Variants in MGAT5 observed in about 807,000 individuals in gnomAD.
MGAT5 encodes alpha-1,6-mannosylglycoprotein 6-beta-N-acetylglucosaminyltransferase A.
MGAT5 carries 30 observed loss-of-function variants against 94.3 expected under a neutral mutation model. The observed-to-expected ratio is 0.32, with a 90% CI of 0.24 to 0.43. MGAT5 has a LOEUF of 0.43. MGAT5 is among the 20% of genes least tolerant of loss of function. MGAT5 has a pLI of 1.00. For synonymous variants in MGAT5, 310 were observed against 322.9 expected (o/e 0.96, Z 0.43); for missense variants, 691 against 905.5 (o/e 0.76, Z 3.04).
intron 1 of MGAT5, among the ~76,000 whole-genome samples, chr2:134,197,196 A>C (rs547822500): frequency 6.6e-6 from 1 of 152,286 alleles, no homozygotes; most frequent in Non-Finnish European, 1.5e-5. Context: ...GCCCCAATAT[A>C]CTTCAGTCAA....
chr2:134,331,384 A>G (rs1687961089), intron 4 of MGAT5, among the ~76,000 whole-genome samples: 1 of 152,104 alleles, frequency 6.6e-6, no homozygotes, highest in South Asian at 2.1e-4. Context: ...CTAGTGAGCT[A>G]AAAAGATTAG....
chr2:134,272,213 C>T (rs983554026), intron 2 of MGAT5, among the ~76,000 whole-genome samples: 7 of 152,180 alleles, frequency 4.6e-5, no homozygotes, highest in Admixed American at 3.3e-4. Context: ...TACTTTCAAA[C>T]GAAGTCTGGA....
chr2:134,378,563 C>T (rs1327199762), intron 10 of MGAT5, among the ~76,000 whole-genome samples: 2 of 151,638 alleles, frequency 1.3e-5, no homozygotes, highest in East Asian at 1.9e-4. Flanking sequence ...TCAGTGTTCT[C>T]GATCGTTAAA....
chr2:134,220,364 G>T (rs1680699132), intron 1 of MGAT5, among the ~76,000 whole-genome samples: 1 of 152,012 alleles, frequency 6.6e-6, no homozygotes, highest in Non-Finnish European at 1.5e-5. Context: ...GCCATAAATG[G>T]CTCAGATAAA....
intron 1 of MGAT5, among the ~76,000 whole-genome samples, chr2:134,147,250 CG>C (rs1230113595): frequency 2.0e-5 from 3 of 152,028 alleles, no homozygotes; most frequent in Non-Finnish European, 4.4e-5. Flanking sequence ...AGTGCTGTAA[CG>C]GAAGTCTAAT....
At chr2:134,399,588 C>T (rs564967061) in intron 10 of MGAT5, among the ~76,000 whole-genome samples, 7 of 152,280 alleles carry the variant, frequency 4.6e-5, no homozygotes, top group African/African-American at 1.2e-4. Context: ...AACCTTTGGG[C>T]GACAGAGGTG....
chr2:134,333,001 T>G (rs1290859119), intron 4 of MGAT5, among the ~76,000 whole-genome samples: 1 of 152,182 alleles, frequency 6.6e-6, no homozygotes, highest in Non-Finnish European at 1.5e-5. Flanking sequence ...TGGAAACTAG[T>G]TCAACCATTG....
At chr2:134,432,199 T>G (rs1684920912) in intron 14 of MGAT5, among the ~76,000 whole-genome samples, 1 of 152,256 alleles carries the variant, frequency 6.6e-6, no homozygotes. Flanking sequence ...CAATTTCAGA[T>G]TGATTTATTA....
At chr2:134,269,641 A>T (rs1683908826) in intron 1 of MGAT5, among the ~76,000 whole-genome samples, 1 of 152,228 alleles carries the variant, frequency 6.6e-6, no homozygotes, top group African/African-American at 2.4e-5. Context: ...AGGGGTGAAG[A>T]AGGAGTTCCT....
chr2:134,249,290 A>T (rs957304464), upstream of MGAT5, among the ~76,000 whole-genome samples: 1 of 150,488 alleles, frequency 6.6e-6, no homozygotes, highest in East Asian at 2.0e-4. Flanking sequence ...ATTTAAACGT[A>T]TACAACTCCA....
intron 1 of MGAT5, among the ~76,000 whole-genome samples, chr2:134,230,610 A>G (rs570765357): frequency 6.6e-6 from 1 of 152,306 alleles, no homozygotes; most frequent in African/African-American, 2.4e-5. Flanking sequence ...CCCCTTGACT[A>G]TGTACAATTA....
rs75271203 is a variant in MGAT5 at position 134,433,029 on chromosome 2, C to G, written c.1869+4590C>G. 6.4e-3 allele frequency among the ~76,000 whole-genome samples: 967 copies of G among 152,244 alleles called. 8 individuals carry two copies. Among genetic ancestry groups the G allele is most frequent in the African/African-American group, 0.022 (919 of 41,524 alleles). ...AGTGTTACACAACTACCACCACACTCTAGTTTTGCAGCATTTCCGTCACCC... is the reference window on the plus strand; with the variant it reads ...AGTGTTACACAACTACCACCACACTGTAGTTTTGCAGCATTTCCGTCACCC... On this transcript the variant is annotated intron_variant, in intron 14 of 15. Transcript: ENST00000281923.
At chr2:134,279,894 T>A (rs1684590822) in intron 2 of MGAT5, among the ~76,000 whole-genome samples, 1 of 152,222 alleles carries the variant, frequency 6.6e-6, no homozygotes, top group African/African-American at 2.4e-5. Flanking sequence ...CTGTTTTCAC[T>A]GACAAGTATT....
chr2:134,207,462 T>C (rs1296569502), intron 1 of MGAT5, among the ~76,000 whole-genome samples: 1 of 152,148 alleles, frequency 6.6e-6, no homozygotes, highest in Non-Finnish European at 1.5e-5. Context: ...GCGGTTACCA[T>C]GCATGGGTAT....
At chr2:134,364,886 G>A (rs1011127755) in intron 10 of MGAT5, among the ~76,000 whole-genome samples, 3 of 152,232 alleles carry the variant, frequency 2.0e-5, no homozygotes, top group African/African-American at 7.2e-5. Flanking sequence ...GGAGTATTTA[G>A]TGAATGCACA....
intron 2 of MGAT5, among the ~76,000 whole-genome samples, chr2:134,289,524 C>T (rs1685216931): frequency 6.6e-6 from 1 of 152,180 alleles, no homozygotes; most frequent in Non-Finnish European, 1.5e-5. Flanking sequence ...AAGTTGTCAG[C>T]GTAGCAGGCC....
intron 11 of MGAT5, among the ~76,000 whole-genome samples, chr2:134,403,496 C>T (rs1175580839): frequency 1.3e-5 from 2 of 152,214 alleles, no homozygotes; most frequent in Non-Finnish European, 2.9e-5. Context: ...ACTCTTCCCC[C>T]AACCCAATCA....
At chr2:134,368,909 G>A (rs1158035430) in intron 10 of MGAT5, among the ~76,000 whole-genome samples, 2 of 152,038 alleles carry the variant, frequency 1.3e-5, no homozygotes, top group African/African-American at 2.4e-5. Context: ...AACTGGAGCC[G>A]CCAAGACCAC....
chr2:134,266,440 C>G (rs1256693612), intron 1 of MGAT5, among the ~76,000 whole-genome samples: 1 of 152,164 alleles, frequency 6.6e-6, no homozygotes, highest in Non-Finnish European at 1.5e-5. Flanking sequence ...AGGCCGGTCT[C>G]TAACTCCTGA....
Sources: allele counts gnomAD v4.1 joint callset (sites outside exome capture counted in the v4.1 genomes callset), GRCh38; gene constraint gnomAD v4.1.1; transcripts MANE v1.5; gene names NCBI Gene and HGNC (gene_info 2026-07-23, HGNC 2026-07-21).